The following CNBD2 variants were observed in gnomAD, a reference collection of about 807,000 sequenced individuals.
The protein encoded by CNBD2 is cyclic nucleotide binding domain containing 2.
CNBD2 carries 64 observed loss-of-function variants against 63.7 expected under a neutral mutation model. The ratio of observed to expected loss-of-function variants is 1.00; its 90% CI spans 0.82 to 1.24. CNBD2 has a LOEUF of 1.24. Among genes scored for constraint, CNBD2 ranks in the 50% most tolerant of loss-of-function variants. The probability of loss-of-function intolerance (pLI) is 0.00; values close to 1 mark genes in which losing one functional copy is unlikely to be tolerated. For missense variants in CNBD2, 691 were observed against 713.5 expected (o/e 0.97, Z 0.36); for synonymous variants, 229 against 255.4 (o/e 0.90, Z 0.99).
At chr20:35,969,868 T>C (rs530802324) in intron 1 of CNBD2, among the ~76,000 whole-genome samples, 59 of 152,352 alleles carry the variant, frequency 3.9e-4, no homozygotes, top group South Asian at 2.1e-4. Context: ...CTCAACTTTA[T>C]ATAATGTTGC....
intron 2 of CNBD2, chr20:35,973,069 GA>G: frequency 2.1e-6 from 1 of 487,766 alleles, no homozygotes; most frequent in Non-Finnish European, 3.6e-6. Context: ...TCATGGCAGG[GA>G]AAGGTGGAGC....
rs2056582002 is a variant in CNBD2 at position 35,980,502 on chromosome 20, C to T, written c.287C>T (p.Pro96Leu). 2 of 1,614,052 alleles carry T rather than the reference C, an allele frequency of 1.2e-6. No individual in the cohort carries two copies. Among genetic ancestry groups the T allele is most frequent in the Non-Finnish European group, 1.7e-6 (2 of 1,180,026 alleles). The change falls in exon 4 of 12, where the codon CCT becomes CTT. Residue 96 changes from proline to leucine, a missense_variant. By Grantham distance (98) the Pro-to-Leu change is moderately conservative. Coordinates refer to ENST00000373973, the MANE Select transcript of CNBD2 (RefSeq NM_001365709.1). ...PKAIQIMQKKPSWRTEDEIQA... is the reference protein window; with the variant it reads ...PKAIQIMQKKLSWRTEDEIQA... ...GCCATTCAGATCATGCAGAAGAAGCCTTCCTGGAGAACAGAGGATGAGATC... is the reference window on the plus strand; with the variant it reads ...GCCATTCAGATCATGCAGAAGAAGCTTTCCTGGAGAACAGAGGATGAGATC...
chr20:35,963,016 G>A (rs1365657172), intron 2 of CNBD2, among the ~76,000 whole-genome samples: 1 of 152,104 alleles, frequency 6.6e-6, no homozygotes, highest in African/African-American at 2.4e-5. Context: ...AGTGGTGAGA[G>A]ACCTCTTTTA....
At chr20:35,973,879 A>G (rs993349692) in intron 2 of CNBD2, 3 of 152,140 alleles carry the variant, frequency 2.0e-5, no homozygotes, top group Non-Finnish European at 2.9e-5. Context: ...CAGGGCTTCA[A>G]AGTTTCCCCA....
rs1326049128 is a variant in CNBD2, at chr20:35,995,072, G to A, written c.890G>A (p.Gly297Glu). The A allele has an allele frequency of 4.3e-6, 7 of 1,614,084 alleles. No individual in the cohort carries two copies. The highest frequency in any genetic ancestry group is 5.9e-6 in the Non-Finnish European group (7 of 1,179,990). Residue 297 changes from glycine to glutamate, a missense_variant, in exon 8 of 12, where the codon GGG (glycine) becomes GAG (glutamate). By Grantham distance (98) the Gly-to-Glu change is moderately conservative (BLOSUM62 -2). Coordinates refer to ENST00000373973, the MANE Select transcript of CNBD2 (RefSeq NM_001365709.1). ...SCEVLRLLDL[G>E]ASPSYRRWIW... Reference sequence around the variant, plus strand: ...GAAGTCCTGCGGCTGTTGGACCTTGGGGCCTCCCCTTCCTACCGTAGATGG... The same window carrying A: ...GAAGTCCTGCGGCTGTTGGACCTTGAGGCCTCCCCTTCCTACCGTAGATGG...
In CNBD2 at chr20:35,975,290, C is replaced by T. The variant is rs574180278; in HGVS notation, c.190-659C>T. The stretch of plus-strand genomic sequence containing the variant: ...TGCTGGGATTACAGGCGTGAGCCAC[C>T]GCGCCCGGCCTCTTTTTTTTTATTT... On this transcript the variant is annotated intron_variant, in intron 2 of 11. Transcript: ENST00000373973. 1.5e-3 allele frequency among the ~76,000 whole-genome samples: 183 copies of T among 125,214 alleles called. 27 individuals carry two copies. The highest frequency in any genetic ancestry group is 5.5e-3 in the African/African-American group (174 of 31,854). 82.1% of individuals were successfully genotyped at this position (125,214 alleles called of 152,430 possible). A position where few individuals can be genotyped will look rare whatever the true frequency, so the allele number is the denominator to read the frequency against.
At chr20:35,983,638 A>T (rs1412549642) in intron 4 of CNBD2, among the ~76,000 whole-genome samples, 1 of 152,236 alleles carries the variant, frequency 6.6e-6, no homozygotes, top group Non-Finnish European at 1.5e-5. Context: ...CCTCCTAATC[A>T]TTTAGTGACT....
chr20:36,006,293 G>A (rs1207984560), intron 8 of CNBD2, among the ~76,000 whole-genome samples: 1 of 152,038 alleles, frequency 6.6e-6, no homozygotes, highest in Non-Finnish European at 1.5e-5. Context: ...CTCCCAAAGT[G>A]CTGGGATTAT....
At chr20:35,967,103 G>A (rs563048543), upstream of CNBD2, among the ~76,000 whole-genome samples, 1 of 152,220 alleles carries the variant, frequency 6.6e-6, no homozygotes, top group East Asian at 1.9e-4. Flanking sequence ...TCGAGACAAG[G>A]CCACTTTACA....
chr20:35,964,172 A>G (rs747134316), upstream of CNBD2, among the ~76,000 whole-genome samples: 7 of 150,972 alleles, frequency 4.6e-5, no homozygotes, highest in Non-Finnish European at 1.0e-4. Flanking sequence ...CTCTTTCTTC[A>G]TATATCTTTT....
At chr20:36,011,003 C>T in intron 9 of CNBD2, 134 bp from the exon 10 acceptor site, 2 of 953,490 alleles carry the variant, frequency 2.1e-6, no homozygotes, top group Non-Finnish European at 2.9e-6. Flanking sequence ...TTTGAGTTTT[C>T]TCGCCTTCTG....
At chr20:35,968,301 T>A (rs1449199514), upstream of CNBD2, among the ~76,000 whole-genome samples, 1 of 152,078 alleles carries the variant, frequency 6.6e-6, no homozygotes, top group East Asian at 1.9e-4. Flanking sequence ...GGTAGGAGTG[T>A]CTTATGTTAA....
intron 10 of CNBD2, among the ~76,000 whole-genome samples, chr20:36,019,197 G>A (rs555560482): frequency 9.5e-4 from 145 of 152,260 alleles, no homozygotes; most frequent in Non-Finnish European, 1.8e-3. Context: ...GCTGTGAGGA[G>A]GTGATGTTTA....
intron 3 of CNBD2, among the ~76,000 whole-genome samples, chr20:35,977,641 G>A (rs1355895970): frequency 1.3e-5 from 2 of 152,180 alleles, no homozygotes; most frequent in Admixed American, 1.3e-4. Context: ...CTGTGCCACT[G>A]CACTGCAGTC....
intron 10 of CNBD2, among the ~76,000 whole-genome samples, chr20:36,016,626 C>G (rs2057136541): frequency 6.6e-6 from 1 of 151,866 alleles, no homozygotes; most frequent in Non-Finnish European, 1.5e-5. Context: ...CCTGTCTCTA[C>G]TAAAAATACA....
chr20:35,987,415 C>G lies in CNBD2; in HGVS notation c.737C>G (p.Ser246Ter). 1 of 1,614,194 alleles carries G rather than the reference C, an allele frequency of 6.2e-7. No individual in the cohort carries two copies. Among genetic ancestry groups the G allele is most frequent in the East Asian group, 2.2e-5 (1 of 44,892 alleles). ...CACAGGAAGATGGAGCTGTTTGCAT[C>G]ATGGTCTGATGAGAAGCTCTGGCAG... Reference protein sequence around the residue: ...EFFRKMELFASWSDEKLWQLV... With the variant: ...EFFRKMELFA Residue 246 changes from serine to a stop codon, truncating the protein, a stop_gained, in exon 7 of 12, where the codon TCA becomes TGA. Coordinates refer to ENST00000373973, the MANE Select transcript of CNBD2 (RefSeq NM_001365709.1). LOFTEE classifies it high-confidence loss of function.
chr20:36,019,529 GA>G (rs60556168), intron 10 of CNBD2, among the ~76,000 whole-genome samples: 6,382 of 71,762 alleles, frequency 0.089, 163 homozygotes, highest in South Asian at 0.2. Context: ...CTCAAAAAAA[GA>G]AAAAAAAAAA....
chr20:35,968,179 C>G (rs565867999), upstream of CNBD2, among the ~76,000 whole-genome samples: 26 of 152,238 alleles, frequency 1.7e-4, no homozygotes, highest in South Asian at 3.7e-3. Flanking sequence ...CAGGCTAATG[C>G]AAATTAAGGG....
At chr20:35,954,592 C>T, upstream of CNBD2, 2 of 1,415,504 alleles carry the variant, frequency 1.4e-6, no homozygotes, top group Non-Finnish European at 1.9e-6. Context: ...GAGGCGGCTG[C>T]TGCCCTCGCG....
Sources: allele counts gnomAD v4.1 joint callset (sites outside exome capture counted in the v4.1 genomes callset), GRCh38; gene constraint gnomAD v4.1.1; transcripts MANE v1.5; gene names NCBI Gene and HGNC (gene_info 2026-07-23, HGNC 2026-07-21).